RPUSD4: variants seen among roughly 807,000 people sequenced by gnomAD.
RPUSD4 encodes pseudouridylate synthase RPUSD4, mitochondrial.
In RPUSD4, 37 loss-of-function variants were observed where a neutral mutation model predicts 35.4. The ratio of observed to expected loss-of-function variants is 1.04; its 90% CI spans 0.80 to 1.37. The LOEUF (loss-of-function observed/expected upper bound fraction) is 1.37. Ranked by LOEUF, RPUSD4 falls within the 40% of genes most tolerant of loss-of-function variation. The pLI is 0.00. For synonymous variants in RPUSD4, 210 were observed against 192.7 expected (o/e 1.09, Z -0.74); for missense variants, 507 against 484.9 (o/e 1.05, Z -0.43).
chr11:126,210,976 A>C lies in RPUSD4; in HGVS notation c.269T>G (p.Val90Gly). The C allele has an allele frequency of 6.2e-7, 1 of 1,614,050 alleles. No individual in the cohort carries two copies. Among genetic ancestry groups the C allele is most frequent in the Non-Finnish European group, 8.5e-7 (1 of 1,180,012 alleles). Reference protein sequence around the residue: ...TRQLQRVHPNVLAKALTRGIL... With the variant: ...TRQLQRVHPNGLAKALTRGIL... ...TCCTCGGGTCAGTGCCTTAGCAAGCACGTTGGGGTGGACTCGCTGCAGCTG... is the reference window on the plus strand; with the variant it reads ...TCCTCGGGTCAGTGCCTTAGCAAGCCCGTTGGGGTGGACTCGCTGCAGCTG... Residue 90 changes from valine (V) to glycine (G), a missense_variant, in exon 2 of 7, where the codon GTG (valine) becomes GGG (glycine). Transcript: ENST00000298317.
rs548573395 is a variant in RPUSD4 at position 126,203,492 on chromosome 11, G to T, written c.1060C>A (p.His354Asn). ...KLPRFFVHSL[H>N]RLRLEMPNED... ...TTTGGCATCTCTAAACGCAGGCGGT[G>T]CAGGGAATGCACAAAGAAGCGAGGA... Residue 354 changes from histidine to asparagine, a missense_variant, in exon 7 of 7, where the codon CAC becomes AAC. Coordinates refer to ENST00000298317, the MANE Select transcript of RPUSD4 (RefSeq NM_032795.3). 1 of 1,614,192 alleles carries T rather than the reference G, an allele frequency of 6.2e-7. No homozygotes were observed. The highest frequency in any genetic ancestry group is 2.2e-5 in the East Asian group (1 of 44,880).
intron 2 of RPUSD4, 34 bp downstream of exon 2, chr11:126,210,856 G>C: frequency 6.3e-7 from 1 of 1,587,292 alleles, no homozygotes; most frequent in Non-Finnish European, 8.6e-7. Context: ...GAAAGCAGCT[G>C]CAGGTTCCTC....
At chr11:126,208,769 T>C (rs1949804469) in intron 3 of RPUSD4, 1 of 152,286 alleles carries the variant, frequency 6.6e-6, no homozygotes, top group South Asian at 2.1e-4. Context: ...ACGCGTATAC[T>C]GCGTACGCCG....
rs1430202032 is a variant in RPUSD4 at position 126,202,903 on chromosome 11, C to G, written c.*515G>C. The G allele has an allele frequency of 6.4e-6, 1 of 155,170 alleles. No individual in the cohort carries two copies. Among genetic ancestry groups the G allele is most frequent in the African/African-American group, 2.4e-5 (1 of 41,494 alleles). The allele number at this position is 155,170 out of a possible 1,614,324, so 9.6% of individuals were successfully genotyped here. ...AAATGTCCCACCTCAACCTCACACT[C>G]AATACCCTTATACAGGTTCCCTAAT... On this transcript the variant is annotated 3_prime_UTR_variant, in exon 7 of 7. Coordinates refer to ENST00000298317, the MANE Select transcript of RPUSD4 (RefSeq NM_032795.3).
rs767115002 is a variant in RPUSD4, at chr11:126,210,841, T to C, written c.355+49A>G. On this transcript the variant is annotated intron_variant, in intron 2 of 6. Coordinates refer to ENST00000298317, the MANE Select transcript of RPUSD4 (RefSeq NM_032795.3). ...GTAACGTCTCAGTTTTCCTCGGTTG[T>C]AGCAGAAAGCAGCTGCAGGTTCCTC... 19 of 1,559,074 alleles carry C rather than the reference T, an allele frequency of 1.2e-5. No homozygotes were observed. The East Asian group carries it at 4.1e-4, about 33-fold the overall frequency.
At chr11:126,207,858 C>T (rs555783255) in intron 3 of RPUSD4, among the ~76,000 whole-genome samples, 79 of 150,486 alleles carry the variant, frequency 5.2e-4, no homozygotes, top group African/African-American at 1.7e-3. Flanking sequence ...AGGCCAGGCA[C>T]GGTCTTAAAT....
chr11:126,205,552 G>T lies in RPUSD4; in HGVS notation c.712C>A (p.Arg238=). The T allele has an allele frequency of 6.2e-7, 1 of 1,614,268 alleles. No individual in the cohort carries two copies. The highest frequency in any genetic ancestry group is 8.5e-7 in the Non-Finnish European group (1 of 1,180,050). ...TGAGTTACAGCAACTTGCGCATTCC[G>T]GCTGCGCCGCACTTTCACCATTTTC... ...DGKMVKVRRS[R]NAQVAVTQYQ... The change falls in exon 5 of 7, where the codon CGG becomes AGG. Residue 238 remains arginine (R), a synonymous_variant. Transcript: ENST00000298317.
chr11:126,208,379 G>T (rs980415043), intron 3 of RPUSD4, among the ~76,000 whole-genome samples: 1 of 152,108 alleles, frequency 6.6e-6, no homozygotes, highest in Non-Finnish European at 1.5e-5. Flanking sequence ...AAAACTGTAG[G>T]GTACAAAACT....
Position 126,209,553 on chromosome 11 carries a change from C to T in RPUSD4, c.525G>A (p.Leu175=), listed in dbSNP as rs1204282158. ...DKDMAHQVQE[L]FRTRQVVKKY... is the part of the protein sequence containing the mutation. ...TCTTCACCACCTGACGGGTTCTAAA[C>T]AACTCTTGGACTTGATGTGCCATGT... is the stretch of plus-strand genomic sequence containing the variant. Residue 175 remains leucine, a synonymous_variant, in exon 3 of 7, where the codon TTG becomes TTA. Coordinates refer to ENST00000298317, the MANE Select transcript of RPUSD4 (RefSeq NM_032795.3). 2.5e-6 allele frequency: 4 copies of T among 1,614,120 alleles called. No homozygotes were observed. The highest frequency in any genetic ancestry group is 3.4e-6 in the Non-Finnish European group (4 of 1,180,058).
At chr11:126,204,397 A>G in intron 5 of RPUSD4, 69 bp from the exon 6 acceptor site, 1 of 1,146,010 alleles carries the variant, frequency 8.7e-7, no homozygotes, top group Admixed American at 2.1e-5. Flanking sequence ...CAGTATTGGC[A>G]TCTGCTTCAA....
chr11:126,203,589 G>A lies in RPUSD4; in HGVS notation c.963C>T (p.His321=). ...GCAGGATCAGCTGCCGGGCGTGCAG[G>A]TGAAGGGGGATGTAGCGGGCCTTCG... The part of the protein sequence containing the change: ...EQSKARYIPL[H]LHARQLILPA... Residue 321 remains histidine, a synonymous_variant, in exon 7 of 7, where the codon CAC becomes CAT. Transcript: ENST00000298317. 6.2e-7 allele frequency: 1 copy of A among 1,614,220 alleles called. No individual in the cohort carries two copies. The highest frequency in any genetic ancestry group is 8.5e-7 in the Non-Finnish European group (1 of 1,180,024).
intron 1 of RPUSD4, 145 bp from the exon 2 acceptor site, chr11:126,211,200 G>A (rs1949860691): frequency 1.9e-6 from 2 of 1,033,710 alleles, no homozygotes; most frequent in East Asian, 2.4e-5. Flanking sequence ...TGAGAGCAGA[G>A]ATACCCATCT....
At chr11:126,203,853 A>G (rs1482899046) in intron 6 of RPUSD4, among the ~76,000 whole-genome samples, 196 bp from the exon 7 acceptor site, 1 of 152,188 alleles carries the variant, frequency 6.6e-6, no homozygotes, top group East Asian at 1.9e-4. Flanking sequence ...ACACCAAGAC[A>G]TTCTTTTTGG....
In RPUSD4 at chr11:126,203,860, T is replaced by C. The variant is rs112925868; in HGVS notation, c.895-203A>G. 7.3e-3 allele frequency among the ~76,000 whole-genome samples: 1,115 copies of C among 152,270 alleles called. 10 individuals are homozygous for C. The highest frequency in any genetic ancestry group is 0.026 in the African/African-American group (1,064 of 41,528). On this transcript the variant is annotated intron_variant, in intron 6 of 6. Coordinates refer to ENST00000298317, the MANE Select transcript of RPUSD4 (RefSeq NM_032795.3). ...AAATGACCACACCAAGACATTCTTT[T>C]TGGCCAGTGCTTTTTGGCCTAACAA...
In RPUSD4 at chr11:126,209,517, A is replaced by C. The variant is rs370193062; in HGVS notation, c.557+4T>G. 1.2e-6 allele frequency: 2 copies of C among 1,613,704 alleles called. No homozygotes were observed. Among genetic ancestry groups the C allele is most frequent in the Middle Eastern group, 1.7e-4 (1 of 6,060 alleles). On this transcript the variant is annotated splice_donor_region_variant and intron_variant, in intron 3 of 6. Transcript: ENST00000298317. ...ACCTCTACTGCCATCAGCAGGCCTCATACCAGTACTTCTTCACCACCTGAC... is the reference window on the plus strand; with the variant it reads ...ACCTCTACTGCCATCAGCAGGCCTCCTACCAGTACTTCTTCACCACCTGAC...
chr11:126,211,318 T>A, intron 1 of RPUSD4, 132 bp downstream of exon 1: 1 of 1,085,336 alleles, frequency 9.2e-7, no homozygotes, highest in Non-Finnish European at 1.3e-6. Context: ...CTCCGCCTTC[T>A]CCCCATTCTC....
Position 126,203,482 on chromosome 11 carries a change from C to T in RPUSD4, c.1070G>A (p.Arg357His), listed in dbSNP as rs199877205. ...RFFVHSLHRL[R>H]LEMPNEDQNE... ...TTGATCCTCATTTGGCATCTCTAAA[C>T]GCAGGCGGTGCAGGGAATGCACAAA... is the stretch of plus-strand genomic sequence containing the variant. The change falls in exon 7 of 7, where the codon CGT becomes CAT. Residue 357 changes from arginine to histidine, a missense_variant. Physicochemically the swap from Arg to His is conservative, Grantham distance 29. Coordinates refer to ENST00000298317, the MANE Select transcript of RPUSD4 (RefSeq NM_032795.3). 194 of 1,614,158 alleles carry T rather than the reference C, an allele frequency of 1.2e-4. No individual in the cohort carries two copies. Among genetic ancestry groups the T allele is most frequent in the Admixed American group, 3.3e-4 (20 of 60,012 alleles).
Position 126,211,025 on chromosome 11 carries a change from G to C in RPUSD4, c.220C>G (p.Gln74Glu). 6.2e-7 allele frequency: 1 copy of C among 1,614,032 alleles called. No individual in the cohort carries two copies. Among genetic ancestry groups the C allele is most frequent in the Non-Finnish European group, 8.5e-7 (1 of 1,180,038 alleles). ...VSTNAVQRRV[Q>E]EIVRFTRQLQ... Reference sequence around the variant, plus strand: ...TGCCGTGTGAACCGCACTATTTCTTGCACTCTCCGCTGAACAGCGTTTGTG... The same window carrying C: ...TGCCGTGTGAACCGCACTATTTCTTCCACTCTCCGCTGAACAGCGTTTGTG... The change falls in exon 2 of 7, where the codon CAA becomes GAA. Residue 74 changes from glutamine to glutamate, a missense_variant. Coordinates refer to ENST00000298317, the MANE Select transcript of RPUSD4 (RefSeq NM_032795.3).
At chr11:126,203,909 T>C (rs1036950396) in intron 6 of RPUSD4, among the ~76,000 whole-genome samples, 2 of 152,112 alleles carry the variant, frequency 1.3e-5, no homozygotes, top group Non-Finnish European at 2.9e-5. Context: ...GGTATAAGGA[T>C]GAAAAGGCTT....
Sources: allele counts gnomAD v4.1 joint callset (sites outside exome capture counted in the v4.1 genomes callset), GRCh38; gene constraint gnomAD v4.1.1; transcripts MANE v1.5; gene names NCBI Gene and HGNC (gene_info 2026-07-23, HGNC 2026-07-21).